The following MYO5B variants were observed in gnomAD, a reference collection of about 807,000 sequenced individuals.
The protein encoded by MYO5B is myosin VB.
MYO5B carries 143 observed loss-of-function variants against 229.3 expected under a neutral mutation model. The ratio of observed to expected loss-of-function variants is 0.62; its 90% CI spans 0.54 to 0.72. The LOEUF (loss-of-function observed/expected upper bound fraction) is 0.72, where lower values mean the gene tolerates loss of function less well. MYO5B is among the 30% of genes least tolerant of loss of function. The pLI, the probability that MYO5B is intolerant of heterozygous loss-of-function variation, is 0.00. For synonymous variants in MYO5B, 918 were observed against 885.2 expected (o/e 1.04, Z -0.66); for missense variants, 2,321 against 2,331.0 (o/e 1.00, Z 0.09).
At chr18:49,989,253 C>T (rs569069108) in intron 7 of MYO5B, among the ~76,000 whole-genome samples, 63 of 152,242 alleles carry the variant, frequency 4.1e-4, no homozygotes, top group African/African-American at 1.5e-3. Flanking sequence ...GGCAGACTTG[C>T]GCTGAAACCA....
chr18:49,962,447 C>A (rs2025570361), intron 11 of MYO5B, 41 bp from the exon 12 acceptor site: 2 of 1,613,676 alleles, frequency 1.2e-6, no homozygotes, highest in African/African-American at 1.3e-5. Context: ...ACTGCAGGCA[C>A]ACCTTAACAT....
intron 1 of MYO5B, among the ~76,000 whole-genome samples, chr18:50,152,406 A>C (rs2032612995): frequency 6.6e-6 from 1 of 152,256 alleles, no homozygotes; most frequent in South Asian, 2.1e-4. Flanking sequence ...TTCTATATTA[A>C]GACAGGTGAG....
At chr18:50,034,314 A>G (rs139845413) in intron 4 of MYO5B, among the ~76,000 whole-genome samples, 25 of 152,376 alleles carry the variant, frequency 1.6e-4, no homozygotes, top group African/African-American at 5.0e-4. Flanking sequence ...CATACAGGAA[A>G]TACAGCAAAA....
intron 31 of MYO5B, among the ~76,000 whole-genome samples, chr18:49,852,421 AAGAG>A (rs1309410097): frequency 6.6e-6 from 1 of 152,200 alleles, no homozygotes; most frequent in Non-Finnish European, 1.5e-5. Flanking sequence ...CTTGCAGACA[AAGAG>A]AGGGAGAGAG....
At chr18:49,837,163 GTATTTA>G (rs987936342) in intron 37 of MYO5B, among the ~76,000 whole-genome samples, 8 of 152,202 alleles carry the variant, frequency 5.3e-5, no homozygotes, top group Admixed American at 1.3e-4. Flanking sequence ...TGAATTGTAA[GTATTTA>G]TATTTAACAT....
rs146251954 is a variant in MYO5B, at chr18:50,097,663, C to T, written c.28-42285G>A. On this transcript the variant is annotated intron_variant, in intron 1 of 39. Coordinates refer to ENST00000285039, the MANE Select transcript of MYO5B (RefSeq NM_001080467.3). ...ATGATGGGTATGTCGACCTCACAGG[C>T]AGAAAGTTCCAGGTTCTGAATAAGT... 76 of 173,810 alleles carry T rather than the reference C, an allele frequency of 4.4e-4. No homozygotes were observed. The Middle Eastern group carries it at 7.8e-3, about 18-fold the overall frequency. The allele number at this position is 173,810 out of a possible 1,614,324, so 10.8% of individuals were successfully genotyped here.
chr18:49,888,819 T>G (rs2024675914), intron 22 of MYO5B, among the ~76,000 whole-genome samples: 1 of 152,254 alleles, frequency 6.6e-6, no homozygotes, highest in Admixed American at 6.5e-5. Context: ...TTATTAGCTC[T>G]TGACCGGCAC....
chr18:49,932,967 A>G (rs2025210615), intron 16 of MYO5B, among the ~76,000 whole-genome samples: 1 of 152,210 alleles, frequency 6.6e-6, no homozygotes, highest in South Asian at 2.1e-4. Context: ...AAATCACCAA[A>G]GACATAGAAG....
chr18:49,898,650 A>C (rs2024807889), intron 21 of MYO5B, among the ~76,000 whole-genome samples: 1 of 152,194 alleles, frequency 6.6e-6, no homozygotes, highest in Admixed American at 6.5e-5. Flanking sequence ...CAGGAAAAAC[A>C]AGTCAGCACC....
chr18:49,863,442 C>CAG lies in MYO5B; in HGVS notation c.3844-117_3844-116dup. ...GGAAAAGACAAAGGCCTGGAAAGAA[C>CAG]AGAGATAACCACAATCAAACCCACG... On this transcript the variant is annotated intron_variant, in intron 28 of 39. Transcript: ENST00000285039. 5.9e-6 allele frequency: 5 copies of CAG among 854,674 alleles called. No individual in the cohort carries two copies. In the South Asian group the frequency reaches 7.1e-5, roughly 12 times the overall value. 52.9% of individuals were successfully genotyped at this position (854,674 alleles called of 1,614,324 possible).
intron 1 of MYO5B, among the ~76,000 whole-genome samples, chr18:50,057,541 T>C (rs896446679): frequency 7.9e-5 from 12 of 152,030 alleles, no homozygotes; most frequent in African/African-American, 2.4e-4. Context: ...CTGTGGCCCA[T>C]ATGCCACTCG....
In MYO5B at chr18:49,878,963, A is replaced by T. The variant is rs747383756; in HGVS notation, c.3258T>A (p.Asp1086Glu). Residue 1086 changes from aspartate (D) to glutamate (E), a missense_variant, in exon 24 of 40, where the codon GAT becomes GAA. Physicochemically the swap from Asp to Glu is conservative, Grantham distance 45. Transcript: ENST00000285039. ...QLEQRYDNLRDEMTIIKQTPG... is the reference protein window; with the variant it reads ...QLEQRYDNLREEMTIIKQTPG... ...CCCTTGCCTTTATGATGGTCATTTC[A>T]TCCCGAAGGTTGTCGTATCTCTGCT... The T allele has an allele frequency of 6.2e-7, 1 of 1,614,116 alleles. No individual in the cohort carries two copies. Among genetic ancestry groups the T allele is most frequent in the South Asian group, 1.1e-5 (1 of 91,078 alleles).
intron 1 of MYO5B, among the ~76,000 whole-genome samples, chr18:50,187,090 A>G (rs1330099130): frequency 1.3e-5 from 2 of 152,142 alleles, no homozygotes; most frequent in Non-Finnish European, 1.5e-5. Context: ...CCCAAACCCA[A>G]CATGTCAAAA....
At chr18:50,014,039 A>G (rs1160534379) in intron 4 of MYO5B, among the ~76,000 whole-genome samples, 2 of 152,150 alleles carry the variant, frequency 1.3e-5, no homozygotes, top group African/African-American at 4.8e-5. Flanking sequence ...GACCCCCTCA[A>G]TTGTGGTCAA....
rs748522936 is a variant in MYO5B, at chr18:49,877,809, G to A, written c.3350C>T (p.Ser1117Phe). The A allele has an allele frequency of 6.2e-7, 1 of 1,613,990 alleles. No individual in the cohort carries two copies. The highest frequency in any genetic ancestry group is 1.7e-5 in the Admixed American group (1 of 59,996). The stretch of plus-strand genomic sequence containing the variant: ...CTCAGTGTCTCCGATCTCAGATGTG[G>A]AGATGGAGGGGTAATTGGAGTCAGA... ...LESDSNYPSI[S>F]TSEIGDTEDA... Residue 1117 changes from serine to phenylalanine, a missense_variant, in exon 25 of 40, where the codon TCC becomes TTC. Physicochemically the swap from Ser to Phe is radical, Grantham distance 155. Transcript: ENST00000285039.
At position 49,882,152 on chromosome 18, in the gene MYO5B, G is replaced by A. The variant is rs536362528; in HGVS notation, c.3046-1697C>T. 9.9e-5 allele frequency among the ~76,000 whole-genome samples: 15 copies of A among 152,208 alleles called. No individual in the cohort carries two copies. The South Asian group carries it at 2.9e-3, about 29-fold the overall frequency. ...AGAGAATGAGGAACACATGCCAGTG[G>A]CCCCTCAAAATTCAGGCTTCCAGAC... On this transcript the variant is annotated intron_variant, in intron 22 of 39. Coordinates refer to ENST00000285039, the MANE Select transcript of MYO5B (RefSeq NM_001080467.3).
rs371865430 is a variant in MYO5B, at chr18:49,843,260, C to T, written c.4592G>A (p.Gly1531Asp). The T allele has an allele frequency of 9.9e-6, 16 of 1,613,978 alleles. No individual in the cohort carries two copies. In the African/African-American group the frequency reaches 2.0e-4, roughly 20 times the overall value. ...VHSLLTSTIN[G>D]IKKVLKKHND... ...GCTTACTTTCAGGACTTTCTTAATG[C>T]CGTTGATGGTGGAGGTCAGCAGGGA... The change falls in exon 34 of 40, where the codon GGC becomes GAC. Residue 1531 changes from glycine to aspartate, a missense_variant. By Grantham distance (94) the Gly-to-Asp change is moderately conservative (BLOSUM62 -1). Transcript: ENST00000285039.
chr18:50,067,626 G>A (rs79153615), intron 1 of MYO5B, among the ~76,000 whole-genome samples: 273 of 152,220 alleles, frequency 1.8e-3, no homozygotes, highest in Middle Eastern at 3.4e-3. Flanking sequence ...CTTAGTTTCC[G>A]TGAGAGCCCA....
At chr18:49,849,699 C>A in intron 31 of MYO5B, 39 bp from the exon 32 acceptor site, 6 of 1,526,256 alleles carry the variant, frequency 3.9e-6, no homozygotes, top group Non-Finnish European at 5.4e-6. Context: ...AGACATCAGC[C>A]CGGCCTGGGA....
Sources: allele counts gnomAD v4.1 joint callset (sites outside exome capture counted in the v4.1 genomes callset), GRCh38; gene constraint gnomAD v4.1.1; transcripts MANE v1.5; gene names NCBI Gene and HGNC (gene_info 2026-07-23, HGNC 2026-07-21).